KCNIP4: variants seen among roughly 807,000 people sequenced by gnomAD.
KCNIP4 encodes potassium voltage-gated channel interacting protein 4.
KCNIP4 carries 12 observed loss-of-function variants against 34.0 expected under a neutral mutation model. That is an observed-to-expected ratio of 0.35 (90% CI 0.23 to 0.57). KCNIP4 has a LOEUF of 0.57. Among genes scored for constraint, KCNIP4 ranks in the 20% least tolerant of loss-of-function variants. The pLI, the probability that KCNIP4 is intolerant of heterozygous loss-of-function variation, is 0.83. For missense variants in KCNIP4, 238 were observed against 311.7 expected, an observed-to-expected ratio of 0.76 and a Z score of 1.78; for synonymous variants, 124 against 102.2, an observed-to-expected ratio of 1.21 and a Z score of -1.29.
rs182895942 is a variant in KCNIP4, at chr4:21,507,507, T to G, written c.61+441064A>C. 7.0e-3 allele frequency among the ~76,000 whole-genome samples: 1,072 copies of G among 152,182 alleles called. 6 individuals are homozygous for G. Among genetic ancestry groups the G allele is most frequent in the Non-Finnish European group, 0.01 (704 of 67,996 alleles). ...CCTGAGCTCAGACAATCTGCCCGCTTAGGTCTCCCAAAGTGCTAGAATTAC... is the reference window on the plus strand; with the variant it reads ...CCTGAGCTCAGACAATCTGCCCGCTGAGGTCTCCCAAAGTGCTAGAATTAC... On this transcript the variant is annotated intron_variant, in intron 1 of 8. Transcript: ENST00000382152.
At chr4:21,832,555 T>A (rs1383626327) in intron 1 of KCNIP4, among the ~76,000 whole-genome samples, 1 of 148,274 alleles carries the variant, frequency 6.7e-6, no homozygotes, top group Non-Finnish European at 1.5e-5. Flanking sequence ...TCCAGATGAA[T>A]TAAATTCTTT....
At chr4:20,950,916 T>C (rs748799749) in intron 1 of KCNIP4, among the ~76,000 whole-genome samples, 2 of 152,150 alleles carry the variant, frequency 1.3e-5, no homozygotes, top group Non-Finnish European at 2.9e-5. Flanking sequence ...TTTCACAGAA[T>C]ACCACTCTAA....
At chr4:21,666,209 A>G (rs1435398914) in intron 1 of KCNIP4, among the ~76,000 whole-genome samples, 1 of 152,236 alleles carries the variant, frequency 6.6e-6, no homozygotes, top group South Asian at 2.1e-4. Flanking sequence ...GACATAGTGC[A>G]TTACTTAGGT....
intron 1 of KCNIP4, among the ~76,000 whole-genome samples, chr4:21,683,545 T>G (rs1750565712): frequency 7.8e-6 from 1 of 128,806 alleles, no homozygotes; most frequent in South Asian, 2.7e-4. Context: ...CTCAGCTCAC[T>G]GCAAGCTCCA....
chr4:21,811,887 A>G (rs12503772), intron 1 of KCNIP4, among the ~76,000 whole-genome samples: 131,389 of 152,218 alleles, frequency 0.86, 56,896 homozygotes, highest in Admixed American at 0.9. Flanking sequence ...TGTCATGGTT[A>G]CAAATGAGGC....
At chr4:21,876,552 C>T (rs1393126994) in intron 1 of KCNIP4, among the ~76,000 whole-genome samples, 3 of 151,988 alleles carry the variant, frequency 2.0e-5, no homozygotes, top group South Asian at 2.1e-4. Flanking sequence ...GGAAAGAAAA[C>T]TGGGGCTGTT....
rs1211832119 is a variant in KCNIP4 at position 20,744,327 on chromosome 4, CTA to C, written c.429+5333_429+5334del. 5.3e-5 allele frequency among the ~76,000 whole-genome samples: 8 copies of C among 152,316 alleles called. No individual in the cohort carries two copies. In the South Asian group the frequency reaches 1.2e-3, roughly 24 times the overall value. ...ATGCACATGTATGTTTATTGCGGCA[CTA>C]TTCACAGTAGCAAAGACTTGGTACC... On this transcript the variant is annotated intron_variant, in intron 5 of 8. Transcript: ENST00000382152.
intron 1 of KCNIP4, among the ~76,000 whole-genome samples, chr4:20,965,383 A>G (rs537448657): frequency 6.6e-6 from 1 of 152,278 alleles, no homozygotes; most frequent in East Asian, 1.9e-4. Context: ...GACACCATTT[A>G]TAATGAAACA....
chr4:21,537,993 C>T (rs188133925), intron 1 of KCNIP4, among the ~76,000 whole-genome samples: 7 of 106,056 alleles, frequency 6.6e-5, no homozygotes, highest in Non-Finnish European at 1.2e-4. Context: ...GCCTAGGTGA[C>T]AGAGTGAGAT....
intron 1 of KCNIP4, among the ~76,000 whole-genome samples, chr4:21,521,015 G>T (rs747348533): frequency 2.2e-4 from 34 of 152,080 alleles, no homozygotes; most frequent in Non-Finnish European, 3.8e-4. Flanking sequence ...CAGTACTTTT[G>T]TCATAATCAC....
At chr4:21,231,850 T>G (rs1758809718) in intron 1 of KCNIP4, among the ~76,000 whole-genome samples, 1 of 152,172 alleles carries the variant, frequency 6.6e-6, no homozygotes, top group African/African-American at 2.4e-5. Flanking sequence ...TTTGGTCTAT[T>G]TATTGTTAAT....
chr4:21,179,170 T>A (rs1754659801), intron 1 of KCNIP4, among the ~76,000 whole-genome samples: 1 of 152,214 alleles, frequency 6.6e-6, no homozygotes, highest in South Asian at 2.1e-4. Flanking sequence ...TTAAGGAATT[T>A]GGACCCCATA....
intron 1 of KCNIP4, among the ~76,000 whole-genome samples, chr4:21,830,352 T>G (rs1722907231): frequency 6.6e-6 from 1 of 151,858 alleles, no homozygotes; most frequent in African/African-American, 2.4e-5. Flanking sequence ...ATTAACAGAT[T>G]TGAAGGAAGG....
chr4:21,095,408 CCACTT>C lies in KCNIP4; in HGVS notation c.62-212704_62-212700del, dbSNP rs374311393. Among the ~76,000 whole-genome samples the C allele has an allele frequency of 4.4e-3, 677 of 152,308 alleles. 4 individuals are homozygous for C. Among genetic ancestry groups the C allele is most frequent in the Admixed American group, 9.6e-3 (147 of 15,294 alleles). On this transcript the variant is annotated intron_variant, in intron 1 of 8. Coordinates refer to ENST00000382152, the MANE Select transcript of KCNIP4 (RefSeq NM_025221.6). ...ATAAAACGTTGGAAATTTCCTCACT[CCACTT>C]AACCTCTTTTTTGCCCGTCTCATTC...
intron 1 of KCNIP4, among the ~76,000 whole-genome samples, chr4:21,444,975 C>A (rs1386936843): frequency 1.3e-5 from 2 of 152,204 alleles, no homozygotes; most frequent in Non-Finnish European, 2.9e-5. Context: ...TCTTATACAC[C>A]AATAACAGAC....
intron 1 of KCNIP4, among the ~76,000 whole-genome samples, chr4:21,769,429 TAAC>T (rs1256206903): frequency 6.6e-6 from 1 of 152,188 alleles, no homozygotes; most frequent in Non-Finnish European, 1.5e-5. Flanking sequence ...GTGGTATTTT[TAAC>T]AATAGACATT....
intron 4 of KCNIP4, among the ~76,000 whole-genome samples, chr4:20,754,535 G>A (rs1330852621): frequency 6.6e-6 from 1 of 152,144 alleles, no homozygotes; most frequent in Non-Finnish European, 1.5e-5. Flanking sequence ...CCTTATGTAA[G>A]AAACAATTTG....
At chr4:21,715,465 C>T (rs768563607) in intron 1 of KCNIP4, among the ~76,000 whole-genome samples, 26 of 152,016 alleles carry the variant, frequency 1.7e-4, no homozygotes, top group Non-Finnish European at 2.8e-4. Flanking sequence ...AGTTACTGAG[C>T]TATACTTTAC....
chr4:20,910,596 T>C (rs961183536), intron 1 of KCNIP4, among the ~76,000 whole-genome samples: 3 of 152,184 alleles, frequency 2.0e-5, no homozygotes, highest in African/African-American at 7.2e-5. Flanking sequence ...TTTAGTTCTT[T>C]TTCCCTTTCG....
Sources: allele counts gnomAD v4.1 joint callset (sites outside exome capture counted in the v4.1 genomes callset), GRCh38; gene constraint gnomAD v4.1.1; transcripts MANE v1.5; gene names NCBI Gene and HGNC (gene_info 2026-07-23, HGNC 2026-07-21).